The following ETNK2 variants were observed in gnomAD, a reference collection of about 807,000 sequenced individuals.
ETNK2 encodes ethanolamine kinase-like protein.
A neutral mutation model predicts 46.2 loss-of-function variants in ETNK2; 33 were observed. The observed-to-expected ratio is 0.71, with a 90% CI of 0.54 to 0.96. The LOEUF is 0.96. Ranked by LOEUF, ETNK2 falls within the 40% of genes least tolerant of loss-of-function variation. The pLI, the probability that ETNK2 is intolerant of heterozygous loss-of-function variation, is 0.00. For missense variants in ETNK2, 445 were observed against 509.7 expected, an observed-to-expected ratio of 0.87 and a Z score of 1.22; for synonymous variants, 194 against 209.0, an observed-to-expected ratio of 0.93 and a Z score of 0.62.
rs201295275 is a variant in ETNK2 at position 204,146,341 on chromosome 1, C to T, written c.641+301G>A. Reference sequence around the variant, plus strand: ...TGGGCCAAGCTCAGTCTCTGAGCTTCGGCATCCCCTAAGTAAAATGGGGAA... The same window carrying T: ...TGGGCCAAGCTCAGTCTCTGAGCTTTGGCATCCCCTAAGTAAAATGGGGAA... On this transcript the variant is annotated intron_variant, in intron 3 of 7. Coordinates refer to ENST00000367202, the MANE Select transcript of ETNK2 (RefSeq NM_018208.4). 6.6e-5 allele frequency among the ~76,000 whole-genome samples: 10 copies of T among 152,276 alleles called. No homozygotes were observed. In the South Asian group the frequency reaches 1.9e-3, roughly 28 times the overall value.
Position 204,141,418 on chromosome 1 carries a change from C to T in ETNK2, c.681G>A (p.Arg227=), listed in dbSNP as rs138409813. 816 of 1,610,546 alleles carry T rather than the reference C, an allele frequency of 5.1e-4. 1 individual carries two copies. Among genetic ancestry groups the T allele is most frequent in the Non-Finnish European group, 6.5e-4 (765 of 1,178,226 alleles). The change falls in exon 4 of 8, where the codon CGG becomes CGA. Residue 227 remains arginine, a synonymous_variant. Coordinates refer to ENST00000367202, the MANE Select transcript of ETNK2 (RefSeq NM_018208.4). ...ADVPKVEVLE[R]ELAWLKEHLS... ...GATGCTCCTTCAGCCAGGCCAGCTC[C>T]CGTTCCAACACCTCTACCTTAGGGA... is the stretch of plus-strand genomic sequence containing the variant.
At position 204,151,509 on chromosome 1, in the gene ETNK2, C is replaced by A. The variant is rs1449587237; in HGVS notation, c.258+86G>T. The A allele has an allele frequency of 2.6e-6, 4 of 1,523,176 alleles. No individual in the cohort carries two copies. The highest frequency in any genetic ancestry group is 3.5e-6 in the Non-Finnish European group (4 of 1,131,322). The allele number at this position is 1,523,176 out of a possible 1,614,324, so 94.4% of individuals were successfully genotyped here. The stretch of plus-strand genomic sequence containing the variant: ...CAGCCGCGCACCCCTGGGACTGACA[C>A]CCGGAAGGATGCGAGGACTGGGTCC... On this transcript the variant is annotated intron_variant, in intron 1 of 7. Transcript: ENST00000367202. This position sits in a 1 kb window ranked among gnomAD's most constrained non-coding sequence, Gnocchi z 8.0.
rs1658024771 is a variant in ETNK2, at chr1:204,151,907, G to T, written c.-55C>A. The stretch of plus-strand genomic sequence containing the variant: ...GGCAGACGCTAGCCCCGGCGGGGGG[G>T]TCCGGCGAGGGAGTGGGAGTGGTAG... On this transcript the variant is annotated 5_prime_UTR_variant, in exon 1 of 8. Transcript: ENST00000367202. The surrounding 1 kb of genome is among the most constrained non-coding windows in gnomAD (Gnocchi z 8.0). 1 of 1,403,782 alleles carries T rather than the reference G, an allele frequency of 7.1e-7. No homozygotes were observed. The highest frequency in any genetic ancestry group is 9.2e-7 in the Non-Finnish European group (1 of 1,085,966). The allele number at this position is 1,403,782 out of a possible 1,614,324, so 87.0% of individuals were successfully genotyped here. A position where few individuals can be genotyped will look rare whatever the true frequency, so the allele number is the denominator to read the frequency against.
chr1:204,149,329 A>G (rs1466736276), intron 2 of ETNK2, among the ~76,000 whole-genome samples: 1 of 152,150 alleles, frequency 6.6e-6, no homozygotes, highest in Admixed American at 6.5e-5. Flanking sequence ...ACAGAGGTAG[A>G]AAACCCTGAG....
In ETNK2 at chr1:204,146,854, G is replaced by A. The variant is rs762091698; in HGVS notation, c.519-90C>T. On this transcript the variant is annotated intron_variant, in intron 2 of 7. Transcript: ENST00000367202. ...TCCTGGCCAGATAGGGACCCTCCAG[G>A]CCCACCAGGGCACTTGCCAGAGGGC... is the stretch of plus-strand genomic sequence containing the variant. The A allele has an allele frequency of 5.9e-6, 9 of 1,537,074 alleles. No homozygotes were observed. The African/African-American group carries it at 8.2e-5, about 14-fold the overall frequency.
At chr1:204,141,663 A>T in intron 3 of ETNK2, 1 of 588,010 alleles carries the variant, frequency 1.7e-6, no homozygotes. Flanking sequence ...TGGTTATGCT[A>T]GGAAGCTGAT....
chr1:204,145,872 C>T (rs1385308240), intron 3 of ETNK2, among the ~76,000 whole-genome samples: 1 of 152,188 alleles, frequency 6.6e-6, no homozygotes, highest in African/African-American at 2.4e-5. Flanking sequence ...CGCTTTCCTC[C>T]AGGCCTCCAT....
intron 5 of ETNK2, 110 bp downstream of exon 5, chr1:204,139,925 A>T: frequency 1.2e-6 from 1 of 842,670 alleles, no homozygotes; most frequent in Non-Finnish European, 2.0e-6. Flanking sequence ...AAAATATGGT[A>T]CCTATTACCG....
intron 3 of ETNK2, 26 bp downstream of exon 3, chr1:204,146,616 C>G (rs189471245): frequency 8.7e-6 from 14 of 1,613,446 alleles, no homozygotes; most frequent in Non-Finnish European, 1.0e-5. Context: ...ATTAAGGCAG[C>G]CTTGGACCCT....
chr1:204,134,777 C>T, intron 6 of ETNK2, 189 bp from the exon 7 acceptor site: 1 of 1,321,642 alleles, frequency 7.6e-7, no homozygotes. Flanking sequence ...TTGGCGCCTC[C>T]ACTCCTGCTA....
intron 4 of ETNK2, 39 bp from the exon 5 acceptor site, chr1:204,140,157 A>C (rs766189615): frequency 1.3e-6 from 2 of 1,565,226 alleles, no homozygotes. Context: ...TTGGCCCAGG[A>C]GATCTGGCAA....
At chr1:204,141,893 A>G (rs115185805) in intron 3 of ETNK2, 3,559 of 165,236 alleles carry the variant, frequency 0.022, 141 homozygotes, top group African/African-American at 0.08. Flanking sequence ...GGATGCTGGG[A>G]AAACTCCCCA....
intron 7 of ETNK2, 106 bp from the exon 8 acceptor site, chr1:204,132,362 C>T (rs1657109706): frequency 6.4e-6 from 5 of 775,834 alleles, no homozygotes; most frequent in South Asian, 5.9e-5. Context: ...CTAGGCCTAT[C>T]TAAGTCTGAG....
chr1:204,133,761 G>C (rs1183687477), intron 7 of ETNK2, among the ~76,000 whole-genome samples: 2 of 152,156 alleles, frequency 1.3e-5, no homozygotes, highest in East Asian at 1.9e-4. Context: ...TTGATCTTCT[G>C]ACCTCGTGAT....
Position 204,149,746 on chromosome 1 carries a change from C to G in ETNK2, c.475G>C (p.Val159Leu). ...CGGATGTGCTCAGGCTCCAGGGCCA[C>G]ACCCTGCATGTACTCATAGCACAGC... ...NGLCYEYMQG[V>L]ALEPEHIREP... Residue 159 changes from valine (V) to leucine (L), a missense_variant, in exon 2 of 8, where the codon GTG becomes CTG. Transcript: ENST00000367202. The G allele has an allele frequency of 6.2e-7, 1 of 1,602,336 alleles. No homozygotes were observed. The highest frequency in any genetic ancestry group is 8.5e-7 in the Non-Finnish European group (1 of 1,174,900).
Position 204,131,751 on chromosome 1 carries a change from G to T in ETNK2, c.*433C>A. On this transcript the variant is annotated 3_prime_UTR_variant, in exon 8 of 8. Transcript: ENST00000367202. This position sits in a 1 kb window ranked among gnomAD's most constrained non-coding sequence, Gnocchi z 4.3. ...TTGGAGCTCAGCACCTCCCACATGG[G>T]GCATGCAGGGGGAGACGGACTGGAG... is the stretch of plus-strand genomic sequence containing the variant. 1 of 196,196 alleles carries T rather than the reference G, an allele frequency of 5.1e-6. No individual in the cohort carries two copies. The highest frequency in any genetic ancestry group is 1.1e-4 in the South Asian group (1 of 8,990). 12.2% of individuals were successfully genotyped at this position (196,196 alleles called of 1,614,324 possible). A position where few individuals can be genotyped will look rare whatever the true frequency, so the allele number is the denominator to read the frequency against.
rs1295043621 is a variant in ETNK2 at position 204,146,708 on chromosome 1, G to A, written c.575C>T (p.Pro192Leu). ...CATCTTGTGCCAGAGGATGGGCTTG[G>A]GCAGGCTGCCGTTGGCGTGGATAGT... ...IHTIHANGSL[P>L]KPILWHKMHN... is the part of the protein sequence containing the mutation. Residue 192 changes from proline (P) to leucine (L), a missense_variant, in exon 3 of 8, where the codon CCC becomes CTC. By Grantham distance (98) the Pro-to-Leu change is moderately conservative (BLOSUM62 -3). Transcript: ENST00000367202. The A allele has an allele frequency of 6.2e-7, 1 of 1,614,034 alleles. No individual in the cohort carries two copies. Among genetic ancestry groups the A allele is most frequent in the South Asian group, 1.1e-5 (1 of 91,080 alleles).
intron 6 of ETNK2, among the ~76,000 whole-genome samples, chr1:204,135,932 T>C (rs1356200653): frequency 6.6e-6 from 1 of 152,146 alleles, no homozygotes; most frequent in Non-Finnish European, 1.5e-5. Flanking sequence ...CCAGGTATCT[T>C]GGATAAGGGG....
chr1:204,144,634 G>A (rs924039272), intron 3 of ETNK2, among the ~76,000 whole-genome samples: 3 of 151,970 alleles, frequency 2.0e-5, no homozygotes, highest in African/African-American at 4.8e-5. Flanking sequence ...ATGACTTCCC[G>A]CTACTTGCTA....
Sources: gnomAD v4.1 joint callset for allele counts (sites outside exome capture counted in the v4.1 genomes callset) on GRCh38, gnomAD v4.1.1 for gene constraint, Gnocchi (gnomAD v3.1) non-coding constraint, MANE v1.5 for transcripts, NCBI Gene and HGNC (gene_info 2026-07-23, HGNC 2026-07-21) for gene names.